The following PTPRN2 variants were observed in gnomAD, a reference collection of about 807,000 sequenced individuals.
PTPRN2 encodes the protein receptor-type tyrosine-protein phosphatase N2.
In PTPRN2, 74 loss-of-function variants were observed where a neutral mutation model predicts 118.8. That is an observed-to-expected ratio of 0.62 (90% CI 0.52 to 0.76). The LOEUF (loss-of-function observed/expected upper bound fraction) is 0.76, where lower values mean the gene tolerates loss of function less well. Ranked by LOEUF, PTPRN2 falls within the 30% of genes least tolerant of loss-of-function variation. The pLI is 0.00. For missense variants in PTPRN2, 1,481 were observed against 1,394.4 expected, an observed-to-expected ratio of 1.06 and a Z score of -0.99; for synonymous variants, 641 against 608.0, an observed-to-expected ratio of 1.05 and a Z score of -0.80.
At chr7:158,497,640 G>A (rs931205247) in intron 1 of PTPRN2, among the ~76,000 whole-genome samples, 32 of 152,226 alleles carry the variant, frequency 2.1e-4, no homozygotes, top group Admixed American at 2.0e-3. Flanking sequence ...AGGACTGCAC[G>A]GTGGCCTGGA....
intron 2 of PTPRN2, among the ~76,000 whole-genome samples, chr7:158,429,147 C>T (rs938913805): frequency 1.3e-5 from 2 of 152,186 alleles, no homozygotes; most frequent in Non-Finnish European, 2.9e-5. Context: ...CGATGTGTTT[C>T]GGAGGTGCCC....
intron 3 of PTPRN2, among the ~76,000 whole-genome samples, chr7:158,281,113 G>C (rs574629374): frequency 4.6e-5 from 7 of 152,290 alleles, no homozygotes; most frequent in African/African-American, 1.7e-4. Context: ...AGACCAGCCT[G>C]ATCAACATAG....
chr7:157,645,865 C>T (rs1414993093), intron 14 of PTPRN2, among the ~76,000 whole-genome samples: 3 of 152,164 alleles, frequency 2.0e-5, no homozygotes, highest in Admixed American at 6.5e-5. Flanking sequence ...CAAACCAGCC[C>T]GGGACTTGCT....
chr7:157,905,589 T>G (rs1295886154), intron 11 of PTPRN2, among the ~76,000 whole-genome samples: 1 of 152,246 alleles, frequency 6.6e-6, no homozygotes. Flanking sequence ...TAATTAGTAT[T>G]TTAATTTATC....
intron 12 of PTPRN2, among the ~76,000 whole-genome samples, chr7:157,885,151 C>T (rs1796379299): frequency 6.6e-6 from 1 of 152,142 alleles, no homozygotes; most frequent in African/African-American, 2.4e-5. Flanking sequence ...AAAAGGGGTA[C>T]CTGAGTTGGC....
At chr7:158,297,984 T>C (rs1204406847) in intron 3 of PTPRN2, among the ~76,000 whole-genome samples, 1 of 152,268 alleles carries the variant, frequency 6.6e-6, no homozygotes, top group Admixed American at 6.5e-5. Context: ...TACAGGTTTT[T>C]TTTCTAATTG....
At chr7:158,396,312 T>C (rs1241141515) in intron 2 of PTPRN2, among the ~76,000 whole-genome samples, 3 of 152,182 alleles carry the variant, frequency 2.0e-5, no homozygotes, top group Admixed American at 1.3e-4. Flanking sequence ...TTAATGCATA[T>C]ATCTCTATTT....
At chr7:158,550,593 G>C (rs1826586889) in intron 1 of PTPRN2, among the ~76,000 whole-genome samples, 2 of 152,242 alleles carry the variant, frequency 1.3e-5, no homozygotes, top group Admixed American at 1.3e-4. Flanking sequence ...CCGGGACTCA[G>C]CCAAAGGCTC....
intron 11 of PTPRN2, among the ~76,000 whole-genome samples, chr7:158,051,740 A>G (rs151149025): frequency 0.011 from 1,675 of 152,296 alleles, 35 homozygotes; most frequent in African/African-American, 0.038. Flanking sequence ...CAGTTCACAG[A>G]TGAATCCAAT....
rs375113814 is a variant in PTPRN2, at chr7:157,603,483, G to A, written c.2418+519C>T. 2.0e-5 allele frequency among the ~76,000 whole-genome samples: 3 copies of A among 152,176 alleles called. No individual in the cohort carries two copies. Among genetic ancestry groups the A allele is most frequent in the South Asian group, 2.1e-4 (1 of 4,826 alleles). On this transcript the variant is annotated intron_variant, in intron 16 of 22. Coordinates refer to ENST00000389418, the MANE Select transcript of PTPRN2 (RefSeq NM_002847.5). The surrounding 1 kb of genome is among the most constrained non-coding windows in gnomAD (Gnocchi z 5.4). ...ACAGCCCGATCTCCACTGCACCTGC[G>A]TCTATCCCAGGGGGAGGAACAGCCA...
intron 12 of PTPRN2, among the ~76,000 whole-genome samples, chr7:157,844,795 T>C (rs1409773004): frequency 1.3e-5 from 2 of 152,224 alleles, no homozygotes; most frequent in African/African-American, 4.8e-5. Flanking sequence ...AGCTGGGCGC[T>C]GCCTGCATCT....
intron 6 of PTPRN2, among the ~76,000 whole-genome samples, chr7:158,165,029 C>A (rs1307418325): frequency 6.6e-6 from 1 of 152,002 alleles, no homozygotes; most frequent in Non-Finnish European, 1.5e-5. Context: ...GTGAAGACCC[C>A]CGATGGTGTC....
At chr7:158,515,818 C>T (rs1022407407) in intron 1 of PTPRN2, among the ~76,000 whole-genome samples, 2 of 152,202 alleles carry the variant, frequency 1.3e-5, no homozygotes, top group East Asian at 1.9e-4. Context: ...ACACCTCCCA[C>T]GCTTCATCCT....
intron 3 of PTPRN2, among the ~76,000 whole-genome samples, chr7:158,237,969 T>C (rs1795641663): frequency 6.6e-6 from 1 of 152,116 alleles, no homozygotes; most frequent in Non-Finnish European, 1.5e-5. Context: ...AGGACACAAG[T>C]GTCTGTGATT....
intron 11 of PTPRN2, among the ~76,000 whole-genome samples, chr7:158,035,278 C>T (rs1808013861): frequency 6.6e-6 from 1 of 152,224 alleles, no homozygotes; most frequent in South Asian, 2.1e-4. Context: ...CCATTTCGAG[C>T]ACACATTGTA....
intron 3 of PTPRN2, among the ~76,000 whole-genome samples, chr7:158,262,937 C>T (rs1242447016): frequency 1.3e-4 from 19 of 141,496 alleles, no homozygotes; most frequent in African/African-American, 2.7e-4. Context: ...ACACACTGCA[C>T]ACACACATTC....
At chr7:157,790,050 T>G (rs1227074277) in intron 12 of PTPRN2, among the ~76,000 whole-genome samples, 22 of 66,134 alleles carry the variant, frequency 3.3e-4, no homozygotes, top group East Asian at 5.2e-4. Flanking sequence ...TGTGTGGTGT[T>G]TGTGTGGTGT....
intron 11 of PTPRN2, among the ~76,000 whole-genome samples, chr7:157,969,639 G>A (rs576514069): frequency 6.6e-6 from 1 of 152,108 alleles, no homozygotes; most frequent in African/African-American, 2.4e-5. Context: ...CTGTGGACAG[G>A]GTCTGAATGG....
chr7:157,840,735 G>C (rs1354413330), intron 12 of PTPRN2, among the ~76,000 whole-genome samples: 3 of 152,262 alleles, frequency 2.0e-5, no homozygotes, highest in Non-Finnish European at 4.4e-5. Context: ...AGAGCCTCCA[G>C]CGTTTTCACC....
Sources: gnomAD v4.1 joint callset for allele counts (sites outside exome capture counted in the v4.1 genomes callset) on GRCh38, gnomAD v4.1.1 for gene constraint, Gnocchi (gnomAD v3.1) non-coding constraint, MANE v1.5 for transcripts, NCBI Gene and HGNC (gene_info 2026-07-23, HGNC 2026-07-21) for gene names.